Variants in PDZRN3 observed in about 807,000 individuals in gnomAD.
PDZRN3 encodes E3 ubiquitin-protein ligase PDZRN3.
Under a neutral mutation model 85.7 loss-of-function variants are expected in PDZRN3, and 38 were observed. That is an observed-to-expected ratio of 0.44 (90% CI 0.34 to 0.58). The LOEUF (loss-of-function observed/expected upper bound fraction) is 0.58. Ranked by LOEUF, PDZRN3 falls within the 20% of genes least tolerant of loss-of-function variation. The probability of loss-of-function intolerance (pLI) is 0.01; values close to 1 mark genes in which losing one functional copy is unlikely to be tolerated. For missense variants in PDZRN3, 1,629 were observed against 1,506.4 expected, an observed-to-expected ratio of 1.08 and a Z score of -1.35; for synonymous variants, 759 against 638.0, an observed-to-expected ratio of 1.19 and a Z score of -2.86.
At chr3:73,569,396 C>T in intron 3 of PDZRN3, 1 of 1,193,018 alleles carries the variant, frequency 8.4e-7, no homozygotes, top group African/African-American at 1.6e-5. Context: ...GTGCCGCATA[C>T]CTGTACAAGA....
At position 73,383,143 on chromosome 3, in the gene PDZRN3, GCT is replaced by G; in HGVS notation, c.*220_*221del. ...AAAGTACAATTGCTATTTGAAAAAA[GCT>G]CTGTTTGTTAATATTGCCTTCCAAG... On this transcript the variant is annotated 3_prime_UTR_variant, in exon 10 of 10. Transcript: ENST00000263666. 2.1e-6 allele frequency: 1 copy of G among 470,454 alleles called. No homozygotes were observed. 29.1% of individuals were successfully genotyped at this position (470,454 alleles called of 1,614,324 possible).
At chr3:73,400,783 A>C (rs1701732987) in intron 5 of PDZRN3, 139 bp downstream of exon 5, 3 of 680,092 alleles carry the variant, frequency 4.4e-6, no homozygotes, top group Non-Finnish European at 8.1e-6. Flanking sequence ...GTGCCTTTCA[A>C]AGGGCATCAG....
intron 3 of PDZRN3, among the ~76,000 whole-genome samples, chr3:73,576,532 TA>T (rs933248764): frequency 2.0e-5 from 3 of 152,156 alleles, no homozygotes. Context: ...CCCAGCTATA[TA>T]AAAGGTAGAG....
chr3:73,479,675 A>G lies in PDZRN3; in HGVS notation c.919-75280T>C, dbSNP rs568977806. Among the ~76,000 whole-genome samples the G allele has an allele frequency of 9.8e-5, 15 of 152,286 alleles. 1 individual carries two copies. The South Asian group carries it at 1.9e-3, about 19-fold the overall frequency. On this transcript the variant is annotated intron_variant, in intron 3 of 9. Transcript: ENST00000263666. ...CTTGGTCTCAGCCTCCTCAAATAAC[A>G]TAACCAGATGGATGGAGCAACCCCC...
intron 5 of PDZRN3, among the ~76,000 whole-genome samples, chr3:73,393,571 G>A (rs552852154): frequency 3.3e-5 from 5 of 152,214 alleles, no homozygotes; most frequent in Non-Finnish European, 5.9e-5. Context: ...CAGTAGGACC[G>A]TGTATTGGTT....
intron 3 of PDZRN3, among the ~76,000 whole-genome samples, chr3:73,460,724 T>C (rs147192298): frequency 1.6e-3 from 238 of 152,342 alleles, no homozygotes; most frequent in African/African-American, 5.3e-3. Context: ...ATAATACTTA[T>C]TTTCATCTAG....
chr3:73,603,870 A>AACACACACACACACACAC (rs71625943), intron 2 of PDZRN3, among the ~76,000 whole-genome samples: 5 of 110,436 alleles, frequency 4.5e-5, no homozygotes, highest in African/African-American at 1.5e-4. Flanking sequence ...CACTTCCCCA[A>AACACACACACACACACAC]ACACACACAC....
chr3:73,397,148 C>T (rs1701655586), intron 5 of PDZRN3, among the ~76,000 whole-genome samples: 1 of 152,062 alleles, frequency 6.6e-6, no homozygotes, highest in Non-Finnish European at 1.5e-5. Flanking sequence ...ATTCTCCTGC[C>T]TCAGCCTCCC....
chr3:73,526,521 G>C (rs1704527367), intron 3 of PDZRN3, among the ~76,000 whole-genome samples: 1 of 152,122 alleles, frequency 6.6e-6, no homozygotes, highest in South Asian at 2.1e-4. Flanking sequence ...GCATCCAGGA[G>C]CAGTCAGAAA....
At chr3:73,510,118 A>G (rs1374637367) in intron 3 of PDZRN3, among the ~76,000 whole-genome samples, 1 of 152,192 alleles carries the variant, frequency 6.6e-6, no homozygotes, top group Non-Finnish European at 1.5e-5. Flanking sequence ...AATACCAAAT[A>G]GATTTGCAAC....
chr3:73,425,230 C>T (rs149938043), intron 3 of PDZRN3, among the ~76,000 whole-genome samples: 7 of 151,880 alleles, frequency 4.6e-5, no homozygotes, highest in African/African-American at 1.7e-4. Flanking sequence ...CATTTATCCA[C>T]GATGGTCTTG....
In PDZRN3 at chr3:73,404,184, C is replaced by G. The variant is rs1701808290; in HGVS notation, c.1130G>C (p.Ser377Thr). The G allele has an allele frequency of 6.2e-7, 1 of 1,613,886 alleles. No individual in the cohort carries two copies. The highest frequency in any genetic ancestry group is 8.5e-7 in the Non-Finnish European group (1 of 1,179,952). ...IMALTKMSSP[S>T]PPVLDPYLLP... is the part of the protein sequence containing the mutation. ...GAGATAGGGATCCAGCACGGGTGGG[C>G]TGGGAGAGGACATCTTAGTGAGGGC... Residue 377 changes from serine (S) to threonine (T), a missense_variant, in exon 4 of 10, where the codon AGC becomes ACC. Transcript: ENST00000263666.
chr3:73,556,193 G>T (rs962474426), intron 3 of PDZRN3, among the ~76,000 whole-genome samples: 1 of 151,984 alleles, frequency 6.6e-6, no homozygotes, highest in Non-Finnish European at 1.5e-5. Flanking sequence ...CATTTAATAA[G>T]TAATAATCAT....
chr3:73,618,487 T>C (rs1010480883), intron 1 of PDZRN3, among the ~76,000 whole-genome samples: 3 of 152,104 alleles, frequency 2.0e-5, no homozygotes, highest in African/African-American at 7.2e-5. Flanking sequence ...GCTACTCCCA[T>C]TAAAAAAAGA....
At chr3:73,610,225 T>G (rs1379505369) in intron 1 of PDZRN3, among the ~76,000 whole-genome samples, 5 of 152,216 alleles carry the variant, frequency 3.3e-5, no homozygotes. Flanking sequence ...AGCATTCATT[T>G]CTTAAGAGTC....
intron 3 of PDZRN3, among the ~76,000 whole-genome samples, chr3:73,495,960 AT>A (rs1703858118): frequency 6.6e-6 from 1 of 150,464 alleles, no homozygotes; most frequent in Non-Finnish European, 1.5e-5. Flanking sequence ...CCTTCCCCCT[AT>A]CCCCATCCCC....
intron 3 of PDZRN3, among the ~76,000 whole-genome samples, chr3:73,540,734 A>C (rs2106780467): frequency 6.6e-6 from 1 of 152,340 alleles, no homozygotes; most frequent in South Asian, 2.1e-4. Context: ...TGAGTCAATT[A>C]AACCTCTTTC....
chr3:73,383,419 T>C lies in PDZRN3; in HGVS notation c.3147A>G (p.Lys1049=), dbSNP rs1362250277. The C allele has an allele frequency of 6.2e-7, 1 of 1,614,004 alleles. No individual in the cohort carries two copies. Among genetic ancestry groups the C allele is most frequent in the Non-Finnish European group, 8.5e-7 (1 of 1,179,926 alleles). Residue 1049 remains lysine, a synonymous_variant, in exon 10 of 10, where the codon AAA becomes AAG. Transcript: ENST00000263666. ...TGTATACTCTAGTGCCGTCCGGGGA[T>C]TTTGTGCCGTGGGTTAAGAGTTCTT... ...TIQELLTHGT[K]SPDGTRVYNS... is the part of the protein sequence containing the mutation.
At chr3:73,509,812 T>A (rs1206333703) in intron 3 of PDZRN3, among the ~76,000 whole-genome samples, 3 of 152,226 alleles carry the variant, frequency 2.0e-5, no homozygotes, top group Non-Finnish European at 4.4e-5. Context: ...CTTCCTGCCT[T>A]GAATCCTGGC....
Sources: gnomAD v4.1 joint callset for allele counts (sites outside exome capture counted in the v4.1 genomes callset) on GRCh38, gnomAD v4.1.1 for gene constraint, MANE v1.5 for transcripts, NCBI Gene and HGNC (gene_info 2026-07-23, HGNC 2026-07-21) for gene names.